Variants in CAMSAP2 observed in about 807,000 individuals in gnomAD.
CAMSAP2 encodes calmodulin-regulated spectrin-associated protein 2.
CAMSAP2 carries 26 observed loss-of-function variants against 146.1 expected under a neutral mutation model. The observed-to-expected ratio is 0.18, with a 90% CI of 0.13 to 0.25. The LOEUF (loss-of-function observed/expected upper bound fraction) is 0.25. CAMSAP2 is among the 10% of genes least tolerant of loss of function. The probability of loss-of-function intolerance (pLI) is 1.00; values close to 1 mark genes in which losing one functional copy is unlikely to be tolerated. For synonymous variants in CAMSAP2, 499 were observed against 596.6 expected (o/e 0.84, Z 2.38); for missense variants, 1,381 against 1,759.3 (o/e 0.78, Z 3.85).
At chr1:200,772,436 C>G (rs1040653241) in intron 2 of CAMSAP2, among the ~76,000 whole-genome samples, 6 of 152,070 alleles carry the variant, frequency 3.9e-5, no homozygotes, top group Non-Finnish European at 7.4e-5. Flanking sequence ...TGGCGAAACC[C>G]CGTCTTTACT....
chr1:200,751,006 G>C (rs896799098), intron 1 of CAMSAP2, among the ~76,000 whole-genome samples: 10 of 150,396 alleles, frequency 6.6e-5, no homozygotes, highest in Non-Finnish European at 1.3e-4. Flanking sequence ...GGGTTCAAGG[G>C]ATTCTCATGC....
At chr1:200,794,095 A>G (rs1295453543) in intron 2 of CAMSAP2, among the ~76,000 whole-genome samples, 1 of 152,244 alleles carries the variant, frequency 6.6e-6, no homozygotes, top group Non-Finnish European at 1.5e-5. Flanking sequence ...GCTATGACAT[A>G]TATAATGATG....
chr1:200,747,887 T>G (rs1417700253), intron 1 of CAMSAP2, among the ~76,000 whole-genome samples: 3 of 149,010 alleles, frequency 2.0e-5, no homozygotes, highest in Non-Finnish European at 1.5e-5. Context: ...CTTGGGAGGC[T>G]GAGGCAGGAG....
intron 2 of CAMSAP2, among the ~76,000 whole-genome samples, chr1:200,797,259 A>G (rs1412860852): frequency 6.6e-6 from 1 of 150,454 alleles, no homozygotes; most frequent in East Asian, 2.0e-4. Flanking sequence ...GACTTCCACA[A>G]TGGTTGAACT....
Position 200,857,266 on chromosome 1 carries a change from G to T in CAMSAP2, c.4013-40G>T. On this transcript the variant is annotated intron_variant, in intron 15 of 16. Transcript: ENST00000358823. The surrounding 1 kb of genome is among the most constrained non-coding windows in gnomAD (Gnocchi z 4.7). The stretch of plus-strand genomic sequence containing the variant: ...TAAAATAGTAGTATTTCTGACTTAG[G>T]AATGTTATTTTTATTATTGTTGTTA... 1 of 1,254,920 alleles carries T rather than the reference G, an allele frequency of 8.0e-7. No homozygotes were observed. The highest frequency in any genetic ancestry group is 1.2e-5 in the South Asian group (1 of 81,488). 77.7% of individuals were successfully genotyped at this position (1,254,920 alleles called of 1,614,324 possible).
At chr1:200,807,848 C>T (rs891761791) in intron 3 of CAMSAP2, among the ~76,000 whole-genome samples, 1 of 148,792 alleles carries the variant, frequency 6.7e-6, no homozygotes, top group Non-Finnish European at 1.5e-5. Flanking sequence ...TCTAGCAATT[C>T]TCATGCCTCG....
In CAMSAP2 at chr1:200,849,003, T is replaced by G; in HGVS notation, c.2234T>G (p.Leu745Arg). The change falls in exon 11 of 17, where the codon CTG (leucine) becomes CGG (arginine). Residue 745 changes from leucine (L) to arginine (R), a missense_variant. This residue lies in a region of CAMSAP2 where 560 missense variants were observed against 715.9 expected (regional missense o/e 0.78). Transcript: ENST00000358823. The surrounding 1 kb of genome is among the most constrained non-coding windows in gnomAD (Gnocchi z 6.3). ...CCACAGGGACGGGACACTACCCAGC[T>G]GTTGGCCTCTGAAATGGTGCATCTT... ...GLPQGRDTTQ[L>R]LASEMVHLRM... is the part of the protein sequence containing the mutation. 1 of 1,614,142 alleles carries G rather than the reference T, an allele frequency of 6.2e-7. No individual in the cohort carries two copies. Among genetic ancestry groups the G allele is most frequent in the Non-Finnish European group, 8.5e-7 (1 of 1,180,010 alleles).
intron 2 of CAMSAP2, among the ~76,000 whole-genome samples, chr1:200,780,335 T>TA (rs577509999): frequency 8.5e-4 from 130 of 152,286 alleles, no homozygotes; most frequent in Non-Finnish European, 1.3e-3. Flanking sequence ...CTGATACAGT[T>TA]AAAAAAACTT....
At chr1:200,791,593 T>A (rs572826568) in intron 2 of CAMSAP2, among the ~76,000 whole-genome samples, 1 of 152,298 alleles carries the variant, frequency 6.6e-6, no homozygotes, top group South Asian at 2.1e-4. Flanking sequence ...GCTTGAAATA[T>A]CACTGGAAGT....
rs577132737 is a variant in CAMSAP2, at chr1:200,759,642, C to G, written c.140-1197C>G. Among the ~76,000 whole-genome samples, 252 of 152,294 alleles carry G rather than the reference C, an allele frequency of 1.7e-3. 1 individual carries two copies. Among genetic ancestry groups the G allele is most frequent in the African/African-American group, 5.9e-3 (244 of 41,566 alleles). ...ATTATTGAGCTTATATTAAAGCTGC[C>G]TATTCAGGAAACAGCTAAGATCAGT... is the stretch of plus-strand genomic sequence containing the variant. On this transcript the variant is annotated intron_variant, in intron 1 of 16. Coordinates refer to ENST00000358823, the MANE Select transcript of CAMSAP2 (RefSeq NM_203459.4).
intron 4 of CAMSAP2, among the ~76,000 whole-genome samples, chr1:200,827,267 A>G (rs1666929120): frequency 1.3e-5 from 2 of 152,236 alleles, no homozygotes; most frequent in South Asian, 4.1e-4. Context: ...AGAAATATGG[A>G]ATAACTTTAA....
intron 2 of CAMSAP2, among the ~76,000 whole-genome samples, chr1:200,777,238 A>G (rs560259346): frequency 6.6e-6 from 1 of 152,272 alleles, no homozygotes; most frequent in East Asian, 1.9e-4. Context: ...TTTATTCTCT[A>G]TCCTAGATAT....
Position 200,822,508 on chromosome 1 carries a change from G to C in CAMSAP2, c.645+6864G>C, listed in dbSNP as rs149570989. ...TTCCTCATTATTAGATGAAGGTTGT[G>C]CTTTTCAGGCTAGAATGCTTTGTAA... On this transcript the variant is annotated intron_variant, in intron 4 of 16. Coordinates refer to ENST00000358823, the MANE Select transcript of CAMSAP2 (RefSeq NM_203459.4). Among the ~76,000 whole-genome samples, 135 of 152,230 alleles carry C rather than the reference G, an allele frequency of 8.9e-4. No homozygotes were observed. The East Asian group carries it at 0.022, about 25-fold the overall frequency.
Position 200,850,204 on chromosome 1 carries a change from C to T in CAMSAP2, c.3435C>T (p.Asp1145=), listed in dbSNP as rs369781214. The part of the protein sequence containing the change: ...GESDKEQFDD[D]QKVCCGFFFK... ...GTGATAAAGAACAATTTGATGATGA[C>T]CAGAAAGTATGCTGTGGATTCTTTT... The change falls in exon 11 of 17, where the codon GAC becomes GAT. Residue 1145 remains aspartate (D), a synonymous_variant. Coordinates refer to ENST00000358823, the MANE Select transcript of CAMSAP2 (RefSeq NM_203459.4). 48 of 1,595,574 alleles carry T rather than the reference C, an allele frequency of 3.0e-5. No individual in the cohort carries two copies. The highest frequency in any genetic ancestry group is 3.3e-4 in the Middle Eastern group (2 of 5,978).
In CAMSAP2 at chr1:200,816,845, TACACACACACGCGTGTGTATGTGTGTAC is replaced by T. The variant is rs1666539084; in HGVS notation, c.645+1210_645+1237del. On this transcript the variant is annotated intron_variant, in intron 4 of 16. Coordinates refer to ENST00000358823, the MANE Select transcript of CAMSAP2 (RefSeq NM_203459.4). The stretch of plus-strand genomic sequence containing the variant: ...ACACACACACGCGTGTGTATGTGTG[TACACACACACGCGTGTGTATGTGTGTAC>T]ACACACACGCGTGTGTATGTGTGTA... 6.7e-5 allele frequency among the ~76,000 whole-genome samples: 4 copies of T among 59,754 alleles called. 2 individuals carry two copies. The highest frequency in any genetic ancestry group is 2.6e-4 in the African/African-American group (4 of 15,270). The allele number at this position is 59,754 out of a possible 152,430, so 39.2% of individuals were successfully genotyped here. A position where few individuals can be genotyped will look rare whatever the true frequency, so the allele number is the denominator to read the frequency against.
At chr1:200,782,036 G>A (rs1571747954) in intron 2 of CAMSAP2, among the ~76,000 whole-genome samples, 1 of 152,124 alleles carries the variant, frequency 6.6e-6, no homozygotes, top group African/African-American at 2.4e-5. Context: ...AGTGAAGTTT[G>A]AAGATTATCT....
chr1:200,855,170 T>C (rs1009210348), intron 14 of CAMSAP2, among the ~76,000 whole-genome samples: 1 of 152,138 alleles, frequency 6.6e-6, no homozygotes, highest in Non-Finnish European at 1.5e-5. Context: ...ACAGTAATTA[T>C]ACATCAGTAA....
rs1664104127 is a variant in CAMSAP2 at position 200,739,865 on chromosome 1, C to T, written c.38C>T (p.Thr13Met). 2 of 1,614,018 alleles carry T rather than the reference C, an allele frequency of 1.2e-6. No homozygotes were observed. The highest frequency in any genetic ancestry group is 1.7e-6 in the Non-Finnish European group (2 of 1,180,012). Residue 13 changes from threonine to methionine, a missense_variant, in exon 1 of 17, where the codon ACG becomes ATG. By Grantham distance (81) the Thr-to-Met change is moderately conservative (BLOSUM62 -1). Coordinates refer to ENST00000358823, the MANE Select transcript of CAMSAP2 (RefSeq NM_203459.4). This position sits in a 1 kb window ranked among gnomAD's most constrained non-coding sequence, Gnocchi z 4.8. Reference protein sequence around the residue: ...DAADPREMRKTFIVPAIKPFD... With the variant: ...DAADPREMRKMFIVPAIKPFD... ...GCAGACCCCAGGGAGATGAGAAAGACGTTCATTGTTCCAGCCATCAAGCCT... is the reference window on the plus strand; with the variant it reads ...GCAGACCCCAGGGAGATGAGAAAGATGTTCATTGTTCCAGCCATCAAGCCT...
intron 3 of CAMSAP2, among the ~76,000 whole-genome samples, chr1:200,809,195 A>G (rs1446364113): frequency 2.0e-5 from 3 of 152,170 alleles, no homozygotes; most frequent in Non-Finnish European, 4.4e-5. Flanking sequence ...CAGAGATGGG[A>G]AGGCTTTAGG....
Sources: gnomAD v4.1 joint callset for allele counts (sites outside exome capture counted in the v4.1 genomes callset) on GRCh38, gnomAD v4.1.1 for gene constraint, gnomAD v4.1.1 regional missense constraint, Gnocchi (gnomAD v3.1) non-coding constraint, MANE v1.5 for transcripts, NCBI Gene and HGNC (gene_info 2026-07-23, HGNC 2026-07-21) for gene names.